The following MACROD2 variants were observed in gnomAD, a reference collection of about 807,000 sequenced individuals.
MACROD2 encodes mono-ADP ribosylhydrolase 2.
Under a neutral mutation model 70.4 loss-of-function variants are expected in MACROD2, and 36 were observed. That is an observed-to-expected ratio of 0.51 (90% confidence interval 0.39 to 0.68). The LOEUF is 0.68. Among genes scored for constraint, MACROD2 ranks in the 30% least tolerant of loss-of-function variants. The pLI is 0.00. For missense variants in MACROD2, 496 were observed against 538.4 expected (o/e 0.92, Z 0.78); for synonymous variants, 172 against 178.8 (o/e 0.96, Z 0.30).
At chr20:15,339,683 C>A (rs924342256) in intron 6 of MACROD2, among the ~76,000 whole-genome samples, 1 of 151,752 alleles carries the variant, frequency 6.6e-6, no homozygotes, top group Admixed American at 6.6e-5. Flanking sequence ...TAATACTACA[C>A]TTGTTATTGG....
intron 5 of MACROD2, among the ~76,000 whole-genome samples, chr20:15,059,163 T>C (rs971835289): frequency 6.6e-6 from 1 of 152,100 alleles, no homozygotes; most frequent in African/African-American, 2.4e-5. Flanking sequence ...TTTGGGAGGC[T>C]GAGGCAGGCG....
At chr20:15,073,204 G>A (rs1486705498) in intron 5 of MACROD2, among the ~76,000 whole-genome samples, 1 of 152,020 alleles carries the variant, frequency 6.6e-6, no homozygotes, top group African/African-American at 2.4e-5. Flanking sequence ...AAGGAGAAGT[G>A]ATAATAAAGA....
intron 5 of MACROD2, among the ~76,000 whole-genome samples, chr20:14,766,403 T>G (rs1013908113): frequency 1.8e-4 from 27 of 152,224 alleles, no homozygotes; most frequent in African/African-American, 6.5e-4. Context: ...GTGCTGGAAG[T>G]GCTGATAAAG....
intron 3 of MACROD2, among the ~76,000 whole-genome samples, chr20:14,103,749 A>G (rs939500740): frequency 6.6e-6 from 1 of 152,168 alleles, no homozygotes; most frequent in Non-Finnish European, 1.5e-5. Context: ...TAAATACAAT[A>G]CTTTTTATAT....
chr20:14,761,331 C>A (rs2072012634), intron 5 of MACROD2, among the ~76,000 whole-genome samples: 1 of 152,082 alleles, frequency 6.6e-6, no homozygotes, highest in Non-Finnish European at 1.5e-5. Context: ...TTTCTCCATG[C>A]AACCTCCTGA....
chr20:15,371,324 C>A (rs1166972785), intron 6 of MACROD2, among the ~76,000 whole-genome samples: 7 of 152,122 alleles, frequency 4.6e-5, no homozygotes, highest in Non-Finnish European at 2.9e-5. Context: ...TTAGAGGTTT[C>A]AGAGACAATT....
chr20:15,907,412 G>T (rs2065163986), intron 10 of MACROD2, among the ~76,000 whole-genome samples: 1 of 152,220 alleles, frequency 6.6e-6, no homozygotes, highest in African/African-American at 2.4e-5. Flanking sequence ...GTTTGGCAGA[G>T]TACAGCCCAA....
chr20:16,012,038 C>T (rs922575173), intron 15 of MACROD2, among the ~76,000 whole-genome samples: 2 of 152,164 alleles, frequency 1.3e-5, no homozygotes, highest in African/African-American at 4.8e-5. Flanking sequence ...CTTTCCAGGT[C>T]CCCCATTCAG....
intron 5 of MACROD2, among the ~76,000 whole-genome samples, chr20:15,198,091 A>G (rs1877990314): frequency 1.3e-5 from 2 of 151,624 alleles, no homozygotes; most frequent in Non-Finnish European, 1.5e-5. Context: ...CCTCCTGAGT[A>G]GCTGAGACTA....
chr20:14,447,393 C>T (rs1046908726), intron 3 of MACROD2, among the ~76,000 whole-genome samples: 9 of 152,224 alleles, frequency 5.9e-5, no homozygotes, highest in Admixed American at 2.0e-4. Flanking sequence ...TCAGGTTTTT[C>T]GAGATTAAAG....
At chr20:15,320,234 C>T (rs2077860027) in intron 6 of MACROD2, among the ~76,000 whole-genome samples, 1 of 151,914 alleles carries the variant, frequency 6.6e-6, no homozygotes, top group South Asian at 2.1e-4. Flanking sequence ...AAAACATTGT[C>T]AGGGGTTTAG....
intron 4 of MACROD2, among the ~76,000 whole-genome samples, chr20:14,617,981 C>A (rs1276570265): frequency 6.6e-6 from 1 of 152,062 alleles, no homozygotes; most frequent in African/African-American, 2.4e-5. Context: ...TTCAATCTCT[C>A]TTCTTTTGCG....
At chr20:15,418,391 G>A (rs550620721) in intron 6 of MACROD2, among the ~76,000 whole-genome samples, 2 of 152,234 alleles carry the variant, frequency 1.3e-5, no homozygotes, top group East Asian at 1.9e-4. Context: ...AGTGAGTCCC[G>A]GAAGAGGATT....
intron 7 of MACROD2, among the ~76,000 whole-genome samples, chr20:15,472,521 C>A (rs923837691): frequency 6.6e-6 from 1 of 152,088 alleles, no homozygotes; most frequent in East Asian, 1.9e-4. Flanking sequence ...TCTTTCCCTT[C>A]CTGTTTTTTT....
At chr20:15,602,090 G>A (rs922102039) in intron 8 of MACROD2, among the ~76,000 whole-genome samples, 1 of 152,032 alleles carries the variant, frequency 6.6e-6, no homozygotes. Flanking sequence ...TAAAAATAAC[G>A]TGATGGATGC....
intron 8 of MACROD2, among the ~76,000 whole-genome samples, chr20:15,818,357 T>G (rs2063899806): frequency 6.6e-6 from 1 of 152,194 alleles, no homozygotes; most frequent in African/African-American, 2.4e-5. Context: ...GGTGGGCAAT[T>G]CCCAGAACCG....
chr20:15,055,689 A>G (rs1039280441), intron 5 of MACROD2, among the ~76,000 whole-genome samples: 2 of 151,872 alleles, frequency 1.3e-5, no homozygotes, highest in East Asian at 3.9e-4. Context: ...TATTAAGTGG[A>G]ACAAGGTTTA....
chr20:15,543,230 T>C (rs1252840936), intron 8 of MACROD2, among the ~76,000 whole-genome samples: 2 of 152,196 alleles, frequency 1.3e-5, no homozygotes, highest in East Asian at 1.9e-4. Flanking sequence ...AATGTATCAG[T>C]TGTGTGTCCC....
chr20:15,296,974 A>G lies in MACROD2; in HGVS notation c.540+66913A>G, dbSNP rs188235139. Among the ~76,000 whole-genome samples the G allele has an allele frequency of 7.1e-4, 108 of 152,298 alleles. 2 individuals are homozygous for G. The highest frequency in any genetic ancestry group is 4.6e-3 in the Admixed American group (71 of 15,286). On this transcript the variant is annotated intron_variant, in intron 6 of 17. Coordinates refer to ENST00000684519, the MANE Select transcript of MACROD2 (RefSeq NM_001351661.2). Reference sequence around the variant, plus strand: ...AGCCTCGGTTGGGGAGATTTTTCCCAGCGTAGTAAATTGTTTGGCCTTCAT... The same window carrying G: ...AGCCTCGGTTGGGGAGATTTTTCCCGGCGTAGTAAATTGTTTGGCCTTCAT...
Sources: allele counts gnomAD v4.1 joint callset (sites outside exome capture counted in the v4.1 genomes callset), GRCh38; gene constraint gnomAD v4.1.1; transcripts MANE v1.5; gene names NCBI Gene and HGNC (gene_info 2026-07-23, HGNC 2026-07-21).